ZPBP: variants seen among roughly 807,000 people sequenced by gnomAD.
The protein encoded by ZPBP is zona pellucida binding protein.
In ZPBP, 26 loss-of-function variants were observed where a neutral mutation model predicts 44.8. The observed-to-expected ratio is 0.58, with a 90% CI of 0.43 to 0.81. ZPBP has a LOEUF of 0.81. ZPBP is among the 30% of genes least tolerant of loss of function. The pLI, the probability that ZPBP is intolerant of heterozygous loss-of-function variation, is 0.00. For missense variants in ZPBP, 409 were observed against 434.0 expected, an observed-to-expected ratio of 0.94 and a Z score of 0.51; for synonymous variants, 174 against 153.2, an observed-to-expected ratio of 1.14 and a Z score of -1.00.
At chr7:49,899,647 C>T (rs1326639050) in intron 2 of ZPBP, among the ~76,000 whole-genome samples, 2 of 152,038 alleles carry the variant, frequency 1.3e-5, no homozygotes, top group South Asian at 2.1e-4. Flanking sequence ...ATGCATTTGC[C>T]TGAAAACAGT....
chr7:49,842,817 A>C, the ZPBP span, among the ~76,000 whole-genome samples: 5 of 152,254 alleles, frequency 3.3e-5, no homozygotes, highest in South Asian at 8.3e-4. Context: ...GATTCTGTAG[A>C]AAAGAAGTGT....
intron 7 of ZPBP, 31 bp downstream of exon 7, chr7:49,983,311 A>G (rs1306114553): frequency 1.9e-6 from 3 of 1,607,282 alleles, no homozygotes; most frequent in Non-Finnish European, 2.6e-6. Context: ...TTTCAACAAT[A>G]TAAAACATGA....
intron 7 of ZPBP, among the ~76,000 whole-genome samples, chr7:49,945,788 T>C (rs1043262294): frequency 2.0e-5 from 3 of 152,138 alleles, no homozygotes; most frequent in Non-Finnish European, 2.9e-5. Flanking sequence ...TTTTTATCCA[T>C]TCAGCTCTCT....
intron 2 of ZPBP, among the ~76,000 whole-genome samples, chr7:49,868,676 G>C (rs1174223942): frequency 6.6e-6 from 1 of 152,186 alleles, no homozygotes; most frequent in African/African-American, 2.4e-5. Flanking sequence ...GAAGTGCAAT[G>C]GCACGATCTT....
intron 7 of ZPBP, among the ~76,000 whole-genome samples, chr7:49,969,846 A>C (rs2365787): frequency 1.6e-5 from 1 of 60,790 alleles, no homozygotes. Context: ...GAGAGAGAGA[A>C]AGAGAAAGAG....
At chr7:50,051,622 T>C (rs1584124210) in intron 4 of ZPBP, among the ~76,000 whole-genome samples, 1 of 152,068 alleles carries the variant, frequency 6.6e-6, no homozygotes, top group East Asian at 1.9e-4. Flanking sequence ...TGAAATACTA[T>C]GCAGCCATAA....
At chr7:49,917,229 T>C (rs1419448256) in intron 1 of ZPBP, 2 of 152,156 alleles carry the variant, frequency 1.3e-5, no homozygotes, top group Non-Finnish European at 2.9e-5. Flanking sequence ...TTAAAAGTGA[T>C]GGTTGTTGAA....
chr7:50,081,742 A>G, intron 3 of ZPBP, 32 bp downstream of exon 3: 1 of 1,607,528 alleles, frequency 6.2e-7, no homozygotes, highest in Non-Finnish European at 8.5e-7. Flanking sequence ...AGATACATTT[A>G]TTTAATTACA....
intron 2 of ZPBP, among the ~76,000 whole-genome samples, chr7:49,852,207 G>A (rs148814149): frequency 7.7e-4 from 117 of 152,306 alleles, no homozygotes; most frequent in Admixed American, 2.2e-3. Flanking sequence ...AACATGGCCT[G>A]CATCAAAAGT....
chr7:49,977,099 C>G (rs2128774122), intron 7 of ZPBP, among the ~76,000 whole-genome samples: 1 of 39,996 alleles, frequency 2.5e-5, no homozygotes, highest in South Asian at 7.9e-4. Context: ...AAGACTCCGT[C>G]TCTAAATAAA....
intron 5 of ZPBP, among the ~76,000 whole-genome samples, chr7:50,019,331 A>C (rs1798972403): frequency 6.6e-6 from 1 of 151,952 alleles, no homozygotes; most frequent in African/African-American, 2.4e-5. Flanking sequence ...TAAGTTGTTC[A>C]TTTTCCATAA....
intron 1 of ZPBP, chr7:49,914,024 T>C (rs1793595730): frequency 6.6e-6 from 1 of 152,222 alleles, no homozygotes; most frequent in African/African-American, 2.4e-5. Context: ...TTCTCAGGTG[T>C]AATCAGCTTT....
At chr7:50,056,051 T>A (rs1488013088) in intron 4 of ZPBP, 1 of 152,258 alleles carries the variant, frequency 6.6e-6, no homozygotes, top group East Asian at 1.9e-4. Flanking sequence ...AACCAAAATA[T>A]CATCAAGAAA....
the ZPBP span, among the ~76,000 whole-genome samples, chr7:49,841,012 T>C: frequency 0.011 from 1,690 of 152,304 alleles, 24 homozygotes; most frequent in African/African-American, 0.038. Context: ...TTTTTCAAGA[T>C]TGGATGCCAC....
chr7:49,843,769 C>T, the ZPBP span, among the ~76,000 whole-genome samples: 1 of 152,148 alleles, frequency 6.6e-6, no homozygotes, highest in African/African-American at 2.4e-5. Context: ...TTGCCCCCAG[C>T]GCTACAGGGC....
chr7:49,862,598 T>C (rs1210427054), intron 2 of ZPBP, among the ~76,000 whole-genome samples: 1 of 152,100 alleles, frequency 6.6e-6, no homozygotes, highest in Admixed American at 6.5e-5. Flanking sequence ...TAGCTGTAGG[T>C]TTTTCATAAA....
At chr7:50,035,457 A>G (rs1799787810) in intron 4 of ZPBP, among the ~76,000 whole-genome samples, 1 of 152,232 alleles carries the variant, frequency 6.6e-6, no homozygotes, top group African/African-American at 2.4e-5. Context: ...ATGTCTTAGT[A>G]TAATAATAAA....
chr7:49,927,955 G>T (rs1448789763), intron 1 of ZPBP, among the ~76,000 whole-genome samples: 3 of 152,154 alleles, frequency 2.0e-5, no homozygotes. Flanking sequence ...ACACAGCATT[G>T]CCCCTCTCAT....
intron 1 of ZPBP, chr7:49,919,277 C>T (rs552641196): frequency 6.6e-6 from 1 of 152,194 alleles, no homozygotes; most frequent in South Asian, 2.1e-4. Context: ...GGTCTTTGGA[C>T]CCATGAAGCT....
Sources: allele counts gnomAD v4.1 joint callset (sites outside exome capture counted in the v4.1 genomes callset), GRCh38; gene constraint gnomAD v4.1.1; transcripts MANE v1.5; gene names NCBI Gene and HGNC (gene_info 2026-07-23, HGNC 2026-07-21).